Variants in KIAA1328 observed in about 807,000 individuals in gnomAD.
KIAA1328 encodes protein hinderin.
Under a neutral mutation model 68.1 loss-of-function variants are expected in KIAA1328, and 52 were observed. That is an observed-to-expected ratio of 0.76 (90% CI 0.61 to 0.96). The LOEUF is 0.96. Among genes scored for constraint, KIAA1328 ranks in the 40% least tolerant of loss-of-function variants. KIAA1328 has a pLI of 0.00. For missense variants in KIAA1328, 641 were observed against 677.6 expected, an observed-to-expected ratio of 0.95 and a Z score of 0.60; for synonymous variants, 232 against 239.4, an observed-to-expected ratio of 0.97 and a Z score of 0.28.
chr18:37,114,469 A>C (rs1320058385), intron 7 of KIAA1328, among the ~76,000 whole-genome samples: 1 of 152,236 alleles, frequency 6.6e-6, no homozygotes, highest in Non-Finnish European at 1.5e-5. Context: ...AATGAGAACA[A>C]ATATACAACA....
intron 3 of KIAA1328, among the ~76,000 whole-genome samples, chr18:36,837,675 A>G (rs939792247): frequency 6.6e-6 from 1 of 152,058 alleles, no homozygotes; most frequent in Non-Finnish European, 1.5e-5. Flanking sequence ...CAAGGTCACA[A>G]ATATTTGTGC....
rs2057033266 is a variant in KIAA1328 at position 37,084,264 on chromosome 18, C to A, written c.1232+16719C>A. ...CTGAAGTCTCAGTTAAAACAAGAAT[C>A]TTAAGGGCATAAATATTTAGGATAC... On this transcript the variant is annotated intron_variant, in intron 7 of 9. Coordinates refer to ENST00000280020, the MANE Select transcript of KIAA1328 (RefSeq NM_020776.3). 4.8e-6 allele frequency: 6 copies of A among 1,255,892 alleles called. 1 individual carries two copies. Among genetic ancestry groups the A allele is most frequent in the African/African-American group, 1.5e-5 (1 of 64,842 alleles). 77.8% of individuals were successfully genotyped at this position (1,255,892 alleles called of 1,614,324 possible).
In KIAA1328 at chr18:37,166,385, G is replaced by A. The variant is rs575170651; in HGVS notation, c.1414+6004G>A. 9.2e-5 allele frequency among the ~76,000 whole-genome samples: 14 copies of A among 152,190 alleles called. No homozygotes were observed. The East Asian group carries it at 2.7e-3, about 29-fold the overall frequency. On this transcript the variant is annotated intron_variant, in intron 8 of 9. Coordinates refer to ENST00000280020, the MANE Select transcript of KIAA1328 (RefSeq NM_020776.3). ...TGTGGCCCAGGACAGCTTTGAATGT[G>A]GCCCAACACAAATTTGTAAACTTTC...
intron 4 of KIAA1328, among the ~76,000 whole-genome samples, chr18:36,879,999 T>C (rs550015703): frequency 2.6e-5 from 4 of 152,304 alleles, no homozygotes; most frequent in African/African-American, 9.6e-5. Flanking sequence ...GCAAGGTGAC[T>C]CAGCTCCCAG....
intron 6 of KIAA1328, among the ~76,000 whole-genome samples, chr18:36,995,425 C>A (rs1300071625): frequency 1.3e-5 from 2 of 152,160 alleles, no homozygotes; most frequent in African/African-American, 2.4e-5. Context: ...TATACGTGTG[C>A]ATCATTCACC....
At chr18:37,132,121 T>A (rs1427301963) in intron 7 of KIAA1328, among the ~76,000 whole-genome samples, 1 of 152,220 alleles carries the variant, frequency 6.6e-6, no homozygotes, top group Non-Finnish European at 1.5e-5. Flanking sequence ...GAATTGCTGT[T>A]TATTTACCCA....
intron 6 of KIAA1328, among the ~76,000 whole-genome samples, chr18:36,959,716 T>C (rs2051579840): frequency 1.3e-5 from 2 of 152,308 alleles, no homozygotes; most frequent in East Asian, 1.9e-4. Context: ...AAAACACTGC[T>C]CTGTTACTTA....
chr18:37,133,875 G>A (rs898596650), intron 7 of KIAA1328, among the ~76,000 whole-genome samples: 2 of 152,014 alleles, frequency 1.3e-5, no homozygotes, highest in South Asian at 2.1e-4. Flanking sequence ...AGTTTTTCTT[G>A]CCATTGATCT....
At chr18:37,059,346 G>GA (rs370294875) in intron 6 of KIAA1328, among the ~76,000 whole-genome samples, 13 of 151,840 alleles carry the variant, frequency 8.6e-5, no homozygotes, top group Admixed American at 6.6e-5. Flanking sequence ...AAATTTACAT[G>GA]AAAAAAACAA....
intron 6 of KIAA1328, among the ~76,000 whole-genome samples, chr18:37,047,369 C>T (rs1002381228): frequency 1.2e-4 from 18 of 152,076 alleles, no homozygotes; most frequent in African/African-American, 4.3e-4. Flanking sequence ...GGCTCATTGG[C>T]CATCTACTAT....
At chr18:37,079,874 A>G (rs2654544) in intron 7 of KIAA1328, among the ~76,000 whole-genome samples, 59,273 of 146,568 alleles carry the variant, frequency 0.4, 13,710 homozygotes, top group African/African-American at 0.64. Context: ...GTGACAGAGC[A>G]AGGCTGTCTC....
chr18:36,899,807 C>G (rs1485611094), intron 5 of KIAA1328, among the ~76,000 whole-genome samples: 1 of 151,872 alleles, frequency 6.6e-6, no homozygotes, highest in East Asian at 1.9e-4. Flanking sequence ...TGAATTCCTG[C>G]TCTGTAAGCA....
At chr18:37,070,533 C>T (rs79930622) in intron 7 of KIAA1328, among the ~76,000 whole-genome samples, 16,184 of 151,132 alleles carry the variant, frequency 0.11, 1,094 homozygotes, top group Middle Eastern at 0.13. Context: ...CTTGGTAGAT[C>T]GACCATCTTT....
chr18:36,979,810 A>G (rs1021617378), intron 6 of KIAA1328, among the ~76,000 whole-genome samples: 1 of 152,186 alleles, frequency 6.6e-6, no homozygotes, highest in African/African-American at 2.4e-5. Context: ...AAAGGAGAAG[A>G]GACTCAGCAA....
Position 36,834,343 on chromosome 18 carries a change from G to A in KIAA1328, c.82G>A (p.Val28Ile), listed in dbSNP as rs1329832037. 2 of 1,583,102 alleles carry A rather than the reference G, an allele frequency of 1.3e-6. No individual in the cohort carries two copies. The highest frequency in any genetic ancestry group is 1.4e-5 in the African/African-American group (1 of 74,030). The change falls in exon 2 of 10, where the codon GTA (valine) becomes ATA (isoleucine). Residue 28 changes from valine (V) to isoleucine (I), a missense_variant. Transcript: ENST00000280020. ...AGTTTCTGATGAAGAACAATCAGTA[G>A]TATACGTTCCAGGTATGATTTTCTA... ...RDFSDEEQSV[V>I]YVPGISAEGN...
chr18:37,096,682 TC>T (rs1243295644), intron 7 of KIAA1328, among the ~76,000 whole-genome samples: 4 of 152,236 alleles, frequency 2.6e-5, no homozygotes, highest in Non-Finnish European at 5.9e-5. Flanking sequence ...TAGTTTACAG[TC>T]CCACCAACAG....
chr18:37,097,071 T>C (rs2057433816), intron 7 of KIAA1328, among the ~76,000 whole-genome samples: 2 of 152,206 alleles, frequency 1.3e-5, no homozygotes, highest in East Asian at 3.8e-4. Context: ...AGAAGCTCTT[T>C]AGTTTGATTA....
chr18:36,946,322 A>C (rs2151203720), intron 5 of KIAA1328: 1 of 152,348 alleles, frequency 6.6e-6, no homozygotes, highest in South Asian at 2.1e-4. Flanking sequence ...AAAGGAGTCC[A>C]ATAATGTATT....
intron 6 of KIAA1328, among the ~76,000 whole-genome samples, chr18:37,050,509 G>A (rs970765025): frequency 3.9e-5 from 6 of 152,090 alleles, no homozygotes; most frequent in Non-Finnish European, 7.4e-5. Context: ...AGAAAACCAT[G>A]TATAAGACTG....
Sources: allele counts gnomAD v4.1 joint callset (sites outside exome capture counted in the v4.1 genomes callset), GRCh38; gene constraint gnomAD v4.1.1; transcripts MANE v1.5; gene names NCBI Gene and HGNC (gene_info 2026-07-23, HGNC 2026-07-21).